The following PDE4B variants were observed in gnomAD, a reference collection of about 807,000 sequenced individuals.
PDE4B encodes 3',5'-cyclic-AMP phosphodiesterase 4B.
A neutral mutation model predicts 82.2 loss-of-function variants in PDE4B; 20 were observed. The ratio of observed to expected loss-of-function variants is 0.24; its 90% CI spans 0.17 to 0.35. The LOEUF (loss-of-function observed/expected upper bound fraction) is 0.35. Ranked by LOEUF, PDE4B falls within the 10% of genes least tolerant of loss-of-function variation. PDE4B has a pLI of 1.00. For synonymous variants in PDE4B, 320 were observed against 318.9 expected, an observed-to-expected ratio of 1.00 and a Z score of -0.04; for missense variants, 655 against 907.2, an observed-to-expected ratio of 0.72 and a Z score of 3.57.
At chr1:66,089,740 G>A (rs1180636300) in intron 3 of PDE4B, among the ~76,000 whole-genome samples, 1 of 151,870 alleles carries the variant, frequency 6.6e-6, no homozygotes, top group Non-Finnish European at 1.5e-5. Context: ...TTGGCTTTTT[G>A]TCTCAAACAG....
At chr1:66,009,084 T>G (rs1652320815) in intron 3 of PDE4B, among the ~76,000 whole-genome samples, 1 of 152,094 alleles carries the variant, frequency 6.6e-6, no homozygotes, top group South Asian at 2.1e-4. Context: ...ACATCATGGC[T>G]TTCTCCCCCC....
At position 66,218,174 on chromosome 1, in the gene PDE4B, G is replaced by T. The variant is rs570426841; in HGVS notation, c.282-29286G>T. 2.0e-5 allele frequency among the ~76,000 whole-genome samples: 3 copies of T among 152,190 alleles called. No homozygotes were observed. In the East Asian group the frequency reaches 5.8e-4, roughly 29 times the overall value. ...CATGGGAACTGCAGGAAGATTCAAT[G>T]CACTCCAAAATAGTAGCTTCTAACT... On this transcript the variant is annotated intron_variant, in intron 3 of 16. Coordinates refer to ENST00000341517, the MANE Select transcript of PDE4B (RefSeq NM_002600.4).
chr1:66,224,653 A>G (rs1021443295), intron 3 of PDE4B, among the ~76,000 whole-genome samples: 1 of 152,220 alleles, frequency 6.6e-6, no homozygotes, highest in African/African-American at 2.4e-5. Context: ...TGGGAGGCAG[A>G]GGTTGCAGTG....
chr1:65,890,168 A>G (rs576121693), intron 1 of PDE4B, among the ~76,000 whole-genome samples: 12 of 146,898 alleles, frequency 8.2e-5, no homozygotes, highest in African/African-American at 2.7e-4. Context: ...AAAATCTAGC[A>G]TTATCTTTGC....
At chr1:66,107,812 G>A (rs141003828) in intron 3 of PDE4B, among the ~76,000 whole-genome samples, 206 of 151,924 alleles carry the variant, frequency 1.4e-3, no homozygotes, top group African/African-American at 4.7e-3. Flanking sequence ...AGTTGTGTAA[G>A]CCTCAACTCA....
chr1:65,855,148 A>G (rs1474607296), intron 1 of PDE4B, among the ~76,000 whole-genome samples: 1 of 150,400 alleles, frequency 6.6e-6, no homozygotes, highest in Non-Finnish European at 1.5e-5. Context: ...AGCAGATATT[A>G]TATTATATTA....
rs768695725 is a variant in PDE4B at position 66,367,929 on chromosome 1, T to G, written c.1540-14T>G. The stretch of plus-strand genomic sequence containing the variant: ...CTGAATTTATTAAGAGTTTTCATTT[T>G]CTTTTTACCCAAGGTGTTAGCAACT... On this transcript the variant is annotated splice_polypyrimidine_tract_variant and intron_variant, in intron 14 of 16. Transcript: ENST00000341517. 6.2e-7 allele frequency: 1 copy of G among 1,613,232 alleles called. No individual in the cohort carries two copies. The highest frequency in any genetic ancestry group is 1.1e-5 in the South Asian group (1 of 90,964).
intron 3 of PDE4B, among the ~76,000 whole-genome samples, chr1:65,958,018 G>A (rs758550930): frequency 3.3e-5 from 5 of 151,916 alleles, no homozygotes; most frequent in Middle Eastern, 3.4e-3. Context: ...AATTGTATTG[G>A]GTGTTTAGTA....
intron 3 of PDE4B, among the ~76,000 whole-genome samples, chr1:66,197,933 G>A (rs1337769862): frequency 6.6e-6 from 1 of 152,100 alleles, no homozygotes; most frequent in African/African-American, 2.4e-5. Flanking sequence ...TGTTGAGTTG[G>A]CAAATTAATG....
At chr1:66,048,573 C>T (rs994498607) in intron 3 of PDE4B, among the ~76,000 whole-genome samples, 16 of 151,898 alleles carry the variant, frequency 1.1e-4, no homozygotes, top group East Asian at 1.9e-4. Flanking sequence ...AAATAAACCA[C>T]GGAACTTGTG....
rs1168144080 is a variant in PDE4B at position 66,162,305 on chromosome 1, C to CTTTTTTTTTTT, written c.282-85137_282-85127dup. ...TTGGTGGTAAGGTTCATGGACTTCT[C>CTTTTTTTTTTT]TTTTTTTTTTTTTTTTTTTTTTTTT... is the stretch of plus-strand genomic sequence containing the variant. On this transcript the variant is annotated intron_variant, in intron 3 of 16. Transcript: ENST00000341517. 4.6e-3 allele frequency among the ~76,000 whole-genome samples: 185 copies of CTTTTTTTTTTT among 40,304 alleles called. 33 individuals are homozygous for CTTTTTTTTTTT. Among genetic ancestry groups the CTTTTTTTTTTT allele is most frequent in the Non-Finnish European group, 5.9e-3 (133 of 22,642 alleles). The allele number at this position is 40,304 out of a possible 152,430, so 26.4% of individuals were successfully genotyped here. A position where few individuals can be genotyped will look rare whatever the true frequency, so the allele number is the denominator to read the frequency against.
At chr1:65,927,549 G>C (rs1225945486) in intron 3 of PDE4B, among the ~76,000 whole-genome samples, 1 of 147,018 alleles carries the variant, frequency 6.8e-6, no homozygotes, top group East Asian at 2.0e-4. Context: ...TATCACATCT[G>C]GTACAGCAGC....
At chr1:65,959,850 T>C (rs1250039150) in intron 3 of PDE4B, among the ~76,000 whole-genome samples, 1 of 152,126 alleles carries the variant, frequency 6.6e-6, no homozygotes, top group East Asian at 1.9e-4. Context: ...CCTTTATCCC[T>C]TACCACGTCT....
rs536211808 is a variant in PDE4B, at chr1:66,002,321, T to A, written c.281+83486T>A. 8.5e-5 allele frequency among the ~76,000 whole-genome samples: 13 copies of A among 152,298 alleles called. 1 individual carries two copies. The South Asian group carries it at 1.0e-3, about 12-fold the overall frequency. On this transcript the variant is annotated intron_variant, in intron 3 of 16. Transcript: ENST00000341517. ...ATTGTTTATATAAGTCATGTATCAATAAACTTTGCAAATATTTTAATTTTT... is the reference window on the plus strand; with the variant it reads ...ATTGTTTATATAAGTCATGTATCAAAAAACTTTGCAAATATTTTAATTTTT...
At chr1:66,307,587 T>A (rs1195971551) in intron 7 of PDE4B, among the ~76,000 whole-genome samples, 3 of 152,126 alleles carry the variant, frequency 2.0e-5, no homozygotes, top group Non-Finnish European at 4.4e-5. Flanking sequence ...AGTGGAAATG[T>A]CTTGACATAA....
intron 3 of PDE4B, among the ~76,000 whole-genome samples, chr1:66,081,822 C>CTG (rs760161239): frequency 2.4e-4 from 31 of 128,260 alleles, no homozygotes; most frequent in East Asian, 1.7e-3. Flanking sequence ...CTCTCTCTCT[C>CTG]TCTCTCTCTC....
At chr1:65,831,291 C>T (rs1446433509) in intron 1 of PDE4B, among the ~76,000 whole-genome samples, 1 of 152,090 alleles carries the variant, frequency 6.6e-6, no homozygotes, top group Admixed American at 6.6e-5. Flanking sequence ...TGGTAAACCT[C>T]TTGCAAGGCT....
chr1:66,144,443 C>T (rs1471809281), intron 3 of PDE4B, among the ~76,000 whole-genome samples: 1 of 152,116 alleles, frequency 6.6e-6, no homozygotes, highest in Non-Finnish European at 1.5e-5. Flanking sequence ...TCCTGAAACT[C>T]TAGTAGAGAA....
At chr1:65,913,213 T>C in intron 1 of PDE4B, 32 bp from the exon 2 acceptor site, 1 of 911,366 alleles carries the variant, frequency 1.1e-6, no homozygotes, top group Non-Finnish European at 1.8e-6. Context: ...GATACAGAGC[T>C]GTTCTTTTTT....
Sources: gnomAD v4.1 joint callset for allele counts (sites outside exome capture counted in the v4.1 genomes callset) on GRCh38, gnomAD v4.1.1 for gene constraint, MANE v1.5 for transcripts, NCBI Gene and HGNC (gene_info 2026-07-23, HGNC 2026-07-21) for gene names.